Variants in GPM6A observed in about 807,000 individuals in gnomAD.
GPM6A encodes the protein neuronal membrane glycoprotein M6-a.
GPM6A carries 7 observed loss-of-function variants against 32.1 expected under a neutral mutation model. That is an observed-to-expected ratio of 0.22 (90% confidence interval 0.12 to 0.41). GPM6A has a LOEUF of 0.41. Ranked by LOEUF, GPM6A falls within the 10% of genes least tolerant of loss-of-function variation. The pLI is 1.00. For synonymous variants in GPM6A, 130 were observed against 123.4 expected (o/e 1.05, Z -0.35); for missense variants, 235 against 347.2 (o/e 0.68, Z 2.57).
In GPM6A at chr4:175,725,429, G is replaced by A. The variant is rs187059555; in HGVS notation, c.38-23662C>T. 2.8e-4 allele frequency among the ~76,000 whole-genome samples: 42 copies of A among 151,814 alleles called. No homozygotes were observed. The East Asian group carries it at 6.6e-3, about 24-fold the overall frequency. On this transcript the variant is annotated intron_variant, in intron 1 of 6. Coordinates refer to ENST00000393658, the MANE Select transcript of GPM6A (RefSeq NM_201591.3). ...ACTTCAGCCTCCCAAGTAGCTGGGA[G>A]TAGCAGGCATGCACCACCACACCTG...
At chr4:175,689,716 T>C (rs983598256) in intron 2 of GPM6A, among the ~76,000 whole-genome samples, 1 of 152,228 alleles carries the variant, frequency 6.6e-6, no homozygotes, top group Non-Finnish European at 1.5e-5. Context: ...AATCTCCTAC[T>C]ATGATTGTGT....
At chr4:175,994,108 T>A (rs1450311089) in intron 1 of GPM6A, among the ~76,000 whole-genome samples, 2 of 152,266 alleles carry the variant, frequency 1.3e-5, no homozygotes, top group East Asian at 3.9e-4. Flanking sequence ...GGCATAGATA[T>A]GCATTTGAGA....
At chr4:175,897,848 G>T (rs979299423) in intron 1 of GPM6A, among the ~76,000 whole-genome samples, 1 of 152,082 alleles carries the variant, frequency 6.6e-6, no homozygotes, top group Admixed American at 6.6e-5. Flanking sequence ...GAAGAATCAG[G>T]TCCTCTGTAC....
At chr4:175,943,213 AT>A (rs1253975479) in intron 1 of GPM6A, among the ~76,000 whole-genome samples, 1 of 152,068 alleles carries the variant, frequency 6.6e-6, no homozygotes, top group Non-Finnish European at 1.5e-5. Context: ...AATGCTTGTG[AT>A]TTTTGTACAT....
chr4:175,920,201 T>G (rs957629738), intron 1 of GPM6A, among the ~76,000 whole-genome samples: 1 of 152,244 alleles, frequency 6.6e-6, no homozygotes, highest in African/African-American at 2.4e-5. Context: ...TAATTACTAC[T>G]GATATTATTA....
At chr4:175,665,163 G>C (rs894414408) in intron 3 of GPM6A, among the ~76,000 whole-genome samples, 1 of 152,172 alleles carries the variant, frequency 6.6e-6, no homozygotes, top group Non-Finnish European at 1.5e-5. Flanking sequence ...AATGTGTACT[G>C]TACTAGGCCT....
At chr4:175,989,856 A>G (rs1207944880) in intron 1 of GPM6A, among the ~76,000 whole-genome samples, 1 of 152,164 alleles carries the variant, frequency 6.6e-6, no homozygotes, top group South Asian at 2.1e-4. Context: ...AACCAACTGA[A>G]TAATCATAAA....
intron 1 of GPM6A, among the ~76,000 whole-genome samples, chr4:175,833,544 T>C (rs997940603): frequency 1.3e-5 from 2 of 152,226 alleles, no homozygotes; most frequent in Non-Finnish European, 2.9e-5. Flanking sequence ...AGGCAAGGTA[T>C]AAACATGAAA....
intron 1 of GPM6A, among the ~76,000 whole-genome samples, chr4:175,803,579 C>T (rs1424150058): frequency 6.6e-6 from 1 of 152,070 alleles, no homozygotes; most frequent in Non-Finnish European, 1.5e-5. Flanking sequence ...TTTATTACAT[C>T]TAACTCACAT....
intron 3 of GPM6A, among the ~76,000 whole-genome samples, chr4:175,666,633 G>C (rs1297858182): frequency 6.6e-6 from 1 of 152,084 alleles, no homozygotes; most frequent in South Asian, 2.1e-4. Context: ...CCTTACTCTA[G>C]TGGTCTATTT....
At chr4:175,811,566 C>G (rs1182679160) in intron 1 of GPM6A, among the ~76,000 whole-genome samples, 1 of 152,112 alleles carries the variant, frequency 6.6e-6, no homozygotes, top group Non-Finnish European at 1.5e-5. Context: ...AAAAAAATTT[C>G]CTTTAACATT....
chr4:175,793,414 T>C (rs1281015088), intron 1 of GPM6A, among the ~76,000 whole-genome samples: 1 of 152,162 alleles, frequency 6.6e-6, no homozygotes, highest in Non-Finnish European at 1.5e-5. Flanking sequence ...TTTCGCTCTG[T>C]CCCTCAGGCT....
chr4:175,883,645 A>G (rs1222984458), intron 1 of GPM6A, among the ~76,000 whole-genome samples: 1 of 152,150 alleles, frequency 6.6e-6, no homozygotes, highest in Non-Finnish European at 1.5e-5. Context: ...ATCAAAAATC[A>G]TCTTCCTTTA....
chr4:175,901,131 T>C (rs1461582878), intron 1 of GPM6A, among the ~76,000 whole-genome samples: 1 of 129,220 alleles, frequency 7.7e-6, no homozygotes, highest in East Asian at 2.4e-4. Context: ...CTGGGAAGGA[T>C]AGTGGGGGGC....
chr4:175,868,219 T>A (rs1035445701), intron 1 of GPM6A, among the ~76,000 whole-genome samples: 1 of 152,238 alleles, frequency 6.6e-6, no homozygotes. Flanking sequence ...CAGTTTGCCC[T>A]GTGTCATCTA....
intron 1 of GPM6A, among the ~76,000 whole-genome samples, chr4:175,753,854 T>C (rs1263073958): frequency 6.6e-6 from 1 of 152,156 alleles, no homozygotes; most frequent in Non-Finnish European, 1.5e-5. Flanking sequence ...GATCATGGTG[T>C]GCCTTCTCCA....
rs547011385 is a variant in GPM6A at position 175,834,690 on chromosome 4, A to T, written c.-22-22441T>A. Among the ~76,000 whole-genome samples, 4 of 152,334 alleles carry T rather than the reference A, an allele frequency of 2.6e-5. No homozygotes were observed. The East Asian group carries it at 5.8e-4, about 22-fold the overall frequency. The stretch of plus-strand genomic sequence containing the variant: ...TAAGTTTAGACTAACAAGAGCTGAG[A>T]GAGCCTGAGTCATAAAAATGATAAT... On this transcript the variant is annotated intron_variant, in intron 1 of 7. Coordinates refer to the GPM6A transcript ENST00000280187.
chr4:175,796,190 G>A (rs995386343), intron 1 of GPM6A, among the ~76,000 whole-genome samples: 5 of 152,082 alleles, frequency 3.3e-5, no homozygotes, highest in Admixed American at 2.0e-4. Flanking sequence ...AGAATGGCTA[G>A]CAACTAGTCA....
chr4:175,742,725 AGT>A (rs1398464387), intron 1 of GPM6A, among the ~76,000 whole-genome samples: 10 of 152,194 alleles, frequency 6.6e-5, no homozygotes, highest in Non-Finnish European at 1.5e-4. Context: ...CAAGAGCAGA[AGT>A]GATTTCGAAG....
Sources: gnomAD v4.1 joint callset for allele counts (sites outside exome capture counted in the v4.1 genomes callset) on GRCh38, gnomAD v4.1.1 for gene constraint, MANE v1.5 for transcripts, NCBI Gene and HGNC (gene_info 2026-07-23, HGNC 2026-07-21) for gene names.